The following UNC13C variants were observed in gnomAD, a reference collection of about 807,000 sequenced individuals.
The protein encoded by UNC13C is protein unc-13 homolog C.
Under a neutral mutation model 245.4 loss-of-function variants are expected in UNC13C, and 174 were observed. The ratio of observed to expected loss-of-function variants is 0.71; its 90% CI spans 0.63 to 0.80. The LOEUF (loss-of-function observed/expected upper bound fraction) is 0.80. UNC13C is among the 30% of genes least tolerant of loss of function. UNC13C has a pLI of 0.00. For synonymous variants in UNC13C, 992 were observed against 895.1 expected (o/e 1.11, Z -1.93); for missense variants, 2,829 against 2,602.9 (o/e 1.09, Z -1.89).
the UNC13C span, among the ~76,000 whole-genome samples, chr15:53,906,206 G>A: frequency 8.1e-3 from 1,240 of 152,240 alleles, 8 homozygotes; most frequent in Admixed American, 0.015. Context: ...CATGCGTGTA[G>A]TCCCAGCTAC....
the UNC13C span, among the ~76,000 whole-genome samples, chr15:53,964,775 G>T: frequency 6.6e-6 from 1 of 152,122 alleles, no homozygotes; most frequent in Admixed American, 6.5e-5. Flanking sequence ...GTCATCTAAA[G>T]CCAGATGAAG....
At chr15:53,872,036 TATG>T in the UNC13C span, among the ~76,000 whole-genome samples, 1 of 152,192 alleles carries the variant, frequency 6.6e-6, no homozygotes, top group African/African-American at 2.4e-5. Flanking sequence ...GAGCAACTAT[TATG>T]ATGTGTTGAA....
chr15:54,372,843 A>T (rs2039520041), intron 17 of UNC13C, among the ~76,000 whole-genome samples: 1 of 152,212 alleles, frequency 6.6e-6, no homozygotes, highest in African/African-American at 2.4e-5. Flanking sequence ...ATTGCCTAAT[A>T]GAGTAGCTGT....
At chr15:53,963,539 G>C in the UNC13C span, among the ~76,000 whole-genome samples, 1 of 152,134 alleles carries the variant, frequency 6.6e-6, no homozygotes, top group Non-Finnish European at 1.5e-5. Context: ...CACGTGTAAA[G>C]GATTTAGCTC....
chr15:54,172,083 G>T (rs1225239333), intron 4 of UNC13C, among the ~76,000 whole-genome samples: 1 of 152,108 alleles, frequency 6.6e-6, no homozygotes, highest in Non-Finnish European at 1.5e-5. Flanking sequence ...GGAGATAAGA[G>T]TAGAATGATG....
the UNC13C span, among the ~76,000 whole-genome samples, chr15:53,865,855 A>G: frequency 6.6e-6 from 1 of 152,176 alleles, no homozygotes; most frequent in Non-Finnish European, 1.5e-5. Flanking sequence ...GTTAAATGTA[A>G]GTTGACTGTG....
At chr15:54,194,654 C>A (rs1251497055) in intron 4 of UNC13C, among the ~76,000 whole-genome samples, 1 of 151,990 alleles carries the variant, frequency 6.6e-6, no homozygotes, top group African/African-American at 2.4e-5. Context: ...AGGACATGAG[C>A]TGCATTGACT....
the UNC13C span, among the ~76,000 whole-genome samples, chr15:53,844,642 G>A: frequency 6.6e-6 from 1 of 152,066 alleles, no homozygotes; most frequent in East Asian, 1.9e-4. Flanking sequence ...ACATTTTTGG[G>A]TTGCAGAAGA....
chr15:54,368,792 G>A (rs1056962445), intron 17 of UNC13C, among the ~76,000 whole-genome samples: 1 of 152,080 alleles, frequency 6.6e-6, no homozygotes, highest in Non-Finnish European at 1.5e-5. Context: ...AATTAAATAA[G>A]CAATTGCAAT....
chr15:54,018,945 A>C (rs1440704611), intron 2 of UNC13C, among the ~76,000 whole-genome samples: 1 of 152,160 alleles, frequency 6.6e-6, no homozygotes, highest in East Asian at 1.9e-4. Context: ...ACAAACTTTA[A>C]AGTCAAATCC....
chr15:53,837,803 A>G, the UNC13C span, among the ~76,000 whole-genome samples: 2 of 152,190 alleles, frequency 1.3e-5, no homozygotes, highest in Admixed American at 6.5e-5. Flanking sequence ...CATTTATTGA[A>G]TAGTCCATCT....
chr15:54,114,200 ACC>A (rs2030045737), intron 2 of UNC13C, among the ~76,000 whole-genome samples: 1 of 152,194 alleles, frequency 6.6e-6, no homozygotes. Flanking sequence ...TCTTAAGGAC[ACC>A]CTATGATCCC....
chr15:54,580,600 A>C (rs1898156228), intron 30 of UNC13C, among the ~76,000 whole-genome samples: 1 of 152,182 alleles, frequency 6.6e-6, no homozygotes, highest in South Asian at 2.1e-4. Flanking sequence ...AAGCATAATA[A>C]TTCATACCGT....
chr15:54,271,186 C>A (rs1332585849), intron 10 of UNC13C, among the ~76,000 whole-genome samples: 3 of 152,046 alleles, frequency 2.0e-5, no homozygotes, highest in Non-Finnish European at 2.9e-5. Context: ...GAGGCATAAC[C>A]AATTAAGCCC....
At chr15:54,103,104 C>A (rs1900250404) in intron 2 of UNC13C, among the ~76,000 whole-genome samples, 1 of 152,146 alleles carries the variant, frequency 6.6e-6, no homozygotes, top group African/African-American at 2.4e-5. Context: ...CCTCTTTCTG[C>A]AGTATTTTTC....
At chr15:54,306,707 G>A (rs1025673712) in intron 13 of UNC13C, among the ~76,000 whole-genome samples, 19 of 152,054 alleles carry the variant, frequency 1.2e-4, no homozygotes, top group African/African-American at 4.3e-4. Flanking sequence ...GTCTCACAAA[G>A]TCTGAGATTC....
the UNC13C span, among the ~76,000 whole-genome samples, chr15:53,958,691 G>A: frequency 1.3e-5 from 2 of 152,068 alleles, no homozygotes; most frequent in African/African-American, 2.4e-5. Flanking sequence ...TATAGTAGTC[G>A]TACGTATTTT....
intron 7 of UNC13C, among the ~76,000 whole-genome samples, chr15:54,248,049 C>T (rs1357759995): frequency 6.6e-6 from 1 of 152,094 alleles, no homozygotes; most frequent in Non-Finnish European, 1.5e-5. Flanking sequence ...TTTACTTAAT[C>T]TTGAAATATG....
intron 17 of UNC13C, among the ~76,000 whole-genome samples, chr15:54,351,737 A>C (rs2038987331): frequency 6.6e-6 from 1 of 152,146 alleles, no homozygotes; most frequent in South Asian, 2.1e-4. Context: ...TATACTAGGC[A>C]TTCCATAAAT....
Sources: gnomAD v4.1 joint callset for allele counts (sites outside exome capture counted in the v4.1 genomes callset) on GRCh38, gnomAD v4.1.1 for gene constraint, MANE v1.5 for transcripts, NCBI Gene and HGNC (gene_info 2026-07-23, HGNC 2026-07-21) for gene names.